Variants in IL18RAP observed in about 807,000 individuals in gnomAD.
IL18RAP encodes interleukin 18 receptor accessory protein.
A neutral mutation model predicts 58.1 loss-of-function variants in IL18RAP; 37 were observed. The ratio of observed to expected loss-of-function variants is 0.64; its 90% confidence interval spans 0.49 to 0.84. The LOEUF is 0.84. Ranked by LOEUF, IL18RAP falls within the 40% of genes least tolerant of loss-of-function variation. IL18RAP has a pLI of 0.00. For synonymous variants in IL18RAP, 268 were observed against 257.5 expected, an observed-to-expected ratio of 1.04 and a Z score of -0.39; for missense variants, 667 against 704.8, an observed-to-expected ratio of 0.95 and a Z score of 0.61.
intron 3 of IL18RAP, among the ~76,000 whole-genome samples, chr2:102,429,702 T>C (rs893045242): frequency 6.6e-6 from 1 of 152,040 alleles, no homozygotes; most frequent in Non-Finnish European, 1.5e-5. Context: ...AATGCAGACA[T>C]TCATTGCTAT....
rs188718074 is a variant in IL18RAP, at chr2:102,450,139, G to A, written c.1211-709G>A. 1.6e-3 allele frequency among the ~76,000 whole-genome samples: 5 copies of A among 3,178 alleles called. No individual in the cohort carries two copies. The East Asian group carries it at 0.031, about 20-fold the overall frequency. The allele number at this position is 3,178 out of a possible 152,430, so 2.1% of individuals were successfully genotyped here. A position where few individuals can be genotyped will look rare whatever the true frequency, so the allele number is the denominator to read the frequency against. ...TTCCGAAGCCTGTGAGTTAAGTGTT[G>A]GGATTTTCTACTTCTTCCAGTGAGT... On this transcript the variant is annotated intron_variant, in intron 8 of 9. Coordinates refer to ENST00000687160, the MANE Select transcript of IL18RAP (RefSeq NM_001393487.1).
chr2:102,450,814 G>T (rs1349814509), intron 8 of IL18RAP, 34 bp from the exon 9 acceptor site: 2 of 1,423,670 alleles, frequency 1.4e-6, no homozygotes, highest in East Asian at 2.3e-5. Context: ...AAGAGTAAAT[G>T]ACTTATGTTT....
At chr2:102,431,038 C>A (rs971111951) in intron 3 of IL18RAP, among the ~76,000 whole-genome samples, 4 of 152,048 alleles carry the variant, frequency 2.6e-5, no homozygotes, top group African/African-American at 7.2e-5. Flanking sequence ...TTTTTACTTT[C>A]ATATTTTTTG....
At position 102,447,068 on chromosome 2, in the gene IL18RAP, A is replaced by G; in HGVS notation, c.1073-2A>G. The G allele has an allele frequency of 6.2e-7, 1 of 1,613,552 alleles. No homozygotes were observed. Among genetic ancestry groups the G allele is most frequent in the Non-Finnish European group, 8.5e-7 (1 of 1,179,818 alleles). ...CTCTTCATACTGGCCCTGTCTCCAC[A>G]GTGGTGCTCCTGTACATCCTGCTTG... On this transcript the variant is annotated splice_acceptor_variant, in intron 7 of 9. Transcript: ENST00000687160. LOFTEE classifies it high-confidence loss of function.
intron 3 of IL18RAP, among the ~76,000 whole-genome samples, chr2:102,427,638 C>T (rs1180666745): frequency 6.6e-6 from 1 of 151,976 alleles, no homozygotes; most frequent in Admixed American, 6.6e-5. Context: ...AGATATATAG[C>T]TTGTAAATAT....
intron 9 of IL18RAP, 77 bp downstream of exon 9, chr2:102,451,098 C>A: frequency 8.0e-7 from 1 of 1,244,260 alleles, no homozygotes; most frequent in Non-Finnish European, 1.1e-6. Flanking sequence ...TTTTGTCATT[C>A]TTTGTTTTGG....
In IL18RAP at chr2:102,450,992, TG is replaced by T; in HGVS notation, c.1356del (p.Leu452PhefsTer17). The T allele has an allele frequency of 6.2e-7, 1 of 1,603,652 alleles. No individual in the cohort carries two copies. The highest frequency in any genetic ancestry group is 8.5e-7 in the Non-Finnish European group (1 of 1,176,198). On this transcript the variant is annotated frameshift_variant, in exon 9 of 10. Transcript: ENST00000687160. LOFTEE classifies it low-confidence loss of function (END_TRUNC). ...AACAAATATGGATATAGCCTGTGTTTGCTTGAAAGAGATGTGGCTCCAGGAG... is the reference window on the plus strand; with the variant it reads ...AACAAATATGGATATAGCCTGTGTTTCTTGAAAGAGATGTGGCTCCAGGAG... ...LENKYGYSLCLLERDVAPGGV... is the reference protein window; with the variant it reads ...LENKYGYSLCXLERDVAPGGV...
At chr2:102,432,468 T>C (rs1277920047) in intron 3 of IL18RAP, 1 of 154,352 alleles carries the variant, frequency 6.5e-6, no homozygotes, top group Non-Finnish European at 1.5e-5. Flanking sequence ...AGAAATACTG[T>C]TGTTAGAATG....
intron 4 of IL18RAP, among the ~76,000 whole-genome samples, chr2:102,440,868 C>G (rs1683062437): frequency 6.6e-6 from 1 of 152,120 alleles, no homozygotes; most frequent in South Asian, 2.1e-4. Context: ...GGACTGGACT[C>G]TTCTTTATTT....
intron 3 of IL18RAP, among the ~76,000 whole-genome samples, chr2:102,433,468 C>A (rs778763553): frequency 6.6e-6 from 1 of 152,206 alleles, no homozygotes; most frequent in African/African-American, 2.4e-5. Flanking sequence ...AACCAATCCT[C>A]CTGCCTTGGC....
intron 3 of IL18RAP, among the ~76,000 whole-genome samples, chr2:102,431,130 C>T (rs1347444542): frequency 6.6e-6 from 1 of 152,052 alleles, no homozygotes; most frequent in Non-Finnish European, 1.5e-5. Flanking sequence ...TGATGAACTC[C>T]CTTAGCTTTT....
In IL18RAP at chr2:102,424,271, G is replaced by T. The variant is rs772786848; in HGVS notation, c.436G>T (p.Glu146Ter). 3 of 1,614,046 alleles carry T rather than the reference G, an allele frequency of 1.9e-6. No homozygotes were observed. The South Asian group carries it at 3.3e-5, about 18-fold the overall frequency. The change falls in exon 3 of 10, where the codon GAA becomes TAA. Residue 146 changes from glutamate (E) to a stop codon, truncating the protein, a stop_gained. Coordinates refer to ENST00000687160, the MANE Select transcript of IL18RAP (RefSeq NM_001393487.1). LOFTEE classifies it high-confidence loss of function. ...DVACCVKMIL[E>*]VKPQTNASCE... ...AGCCTGTTGTGTCAAGATGATTTTAGAAGTTAAGCCCCAGACAAATGCATC... is the reference window on the plus strand; with the variant it reads ...AGCCTGTTGTGTCAAGATGATTTTATAAGTTAAGCCCCAGACAAATGCATC...
At chr2:102,444,499 G>T (rs1205962008) in intron 6 of IL18RAP, among the ~76,000 whole-genome samples, 7 of 152,202 alleles carry the variant, frequency 4.6e-5, no homozygotes, top group African/African-American at 7.2e-5. Context: ...TGTGTGACAG[G>T]TAGGAAGCAC....
intron 3 of IL18RAP, among the ~76,000 whole-genome samples, chr2:102,432,960 G>A (rs1380675886): frequency 6.6e-6 from 1 of 151,902 alleles, no homozygotes; most frequent in Admixed American, 6.6e-5. Context: ...TAATGTAACG[G>A]CATTTTATGA....
At chr2:102,451,701 C>A in intron 9 of IL18RAP, 65 bp from the exon 10 acceptor site, 1 of 1,360,954 alleles carries the variant, frequency 7.3e-7, no homozygotes, top group Non-Finnish European at 1.0e-6. Context: ...GAATCCATTG[C>A]AAGGACCTCT....
At chr2:102,426,894 T>C (rs1681984222) in intron 3 of IL18RAP, among the ~76,000 whole-genome samples, 1 of 152,056 alleles carries the variant, frequency 6.6e-6, no homozygotes, top group Non-Finnish European at 1.5e-5. Context: ...TTGACCAGTA[T>C]CTCCCCATTC....
chr2:102,451,306 C>T (rs979808632), intron 9 of IL18RAP, among the ~76,000 whole-genome samples: 2 of 152,232 alleles, frequency 1.3e-5, no homozygotes, highest in African/African-American at 2.4e-5. Context: ...GAACTACTCG[C>T]TCACCCCAAT....
At chr2:102,421,484 T>C (rs1003343763), upstream of IL18RAP, among the ~76,000 whole-genome samples, 2 of 152,076 alleles carry the variant, frequency 1.3e-5, no homozygotes, top group African/African-American at 4.8e-5. Context: ...TGTCTGGTGG[T>C]GGAGTTGGAG....
chr2:102,434,977 A>G (rs1341135072), intron 3 of IL18RAP: 1 of 151,854 alleles, frequency 6.6e-6, no homozygotes, highest in Non-Finnish European at 1.5e-5. Flanking sequence ...AATAATTTCC[A>G]TAATATACTC....
Sources: allele counts gnomAD v4.1 joint callset (sites outside exome capture counted in the v4.1 genomes callset), GRCh38; gene constraint gnomAD v4.1.1; transcripts MANE v1.5; gene names NCBI Gene and HGNC (gene_info 2026-07-23, HGNC 2026-07-21).